CCDC85C: variants seen among roughly 807,000 people sequenced by gnomAD.
CCDC85C encodes coiled-coil domain-containing protein 85C.
CCDC85C carries 18 observed loss-of-function variants against 38.3 expected under a neutral mutation model. That is an observed-to-expected ratio of 0.47 (90% confidence interval 0.33 to 0.70). The LOEUF (loss-of-function observed/expected upper bound fraction) is 0.70, where lower values mean the gene tolerates loss of function less well. Ranked by LOEUF, CCDC85C falls within the 30% of genes least tolerant of loss-of-function variation. The pLI is 0.03. For missense variants in CCDC85C, 566 were observed against 621.2 expected (o/e 0.91, Z 0.94); for synonymous variants, 264 against 293.8 (o/e 0.90, Z 1.04).
In CCDC85C at chr14:99,514,419, C is replaced by G. The variant is rs996766457; in HGVS notation, c.*827G>C. The stretch of plus-strand genomic sequence containing the variant: ...GCCCAGTGCTGCCCATCAGGAAAAT[C>G]ACATGTGGCTCAGCCCAGAAACTCT... On this transcript the variant is annotated 3_prime_UTR_variant, in exon 6 of 6. Coordinates refer to ENST00000380243, the MANE Select transcript of CCDC85C (RefSeq NM_001144995.2). 6.6e-6 allele frequency: 1 copy of G among 152,428 alleles called. No homozygotes were observed. The highest frequency in any genetic ancestry group is 1.5e-5 in the Non-Finnish European group (1 of 68,200). 9.4% of individuals were successfully genotyped at this position (152,428 alleles called of 1,614,324 possible). A position where few individuals can be genotyped will look rare whatever the true frequency, so the allele number is the denominator to read the frequency against.
chr14:99,501,145 A>G lies in CCDC85C; in HGVS notation c.*14101T>C. 1 of 602,640 alleles carries G rather than the reference A, an allele frequency of 1.7e-6. No individual in the cohort carries two copies. 37.3% of individuals were successfully genotyped at this position (602,640 alleles called of 1,614,324 possible). On this transcript the variant is annotated 3_prime_UTR_variant, in exon 6 of 6. Transcript: ENST00000380243. Reference sequence around the variant, plus strand: ...GACTAATAAACTTAGCCTTGGAGCCAGGTTTTCCATACATGGTGGTTCAGC... The same window carrying G: ...GACTAATAAACTTAGCCTTGGAGCCGGGTTTTCCATACATGGTGGTTCAGC...
chr14:99,522,709 C>A (rs9788481), intron 2 of CCDC85C: 135,935 of 155,296 alleles, frequency 0.88, 61,667 homozygotes, highest in East Asian at 1. Flanking sequence ...GGGGCTCTCT[C>A]GGGATGCTCC....
chr14:99,595,043 T>A (rs1050763719), intron 1 of CCDC85C, among the ~76,000 whole-genome samples: 2 of 152,170 alleles, frequency 1.3e-5, no homozygotes, highest in Non-Finnish European at 2.9e-5. Context: ...GAGCTAGAAC[T>A]GCCCACACCC....
Position 99,545,072 on chromosome 14 carries a change from G to C in CCDC85C, c.794-8984C>G, listed in dbSNP as rs181423422. On this transcript the variant is annotated intron_variant, in intron 1 of 5. Transcript: ENST00000380243. This position sits in a 1 kb window ranked among gnomAD's most constrained non-coding sequence, Gnocchi z 4.7. ...CTAGAGAAGAGGAAAACGAACGGCT[G>C]CCCTAATGAGAATGAAATCTCCTGG... 6.6e-6 allele frequency among the ~76,000 whole-genome samples: 1 copy of C among 152,206 alleles called. No homozygotes were observed. The highest frequency in any genetic ancestry group is 2.4e-5 in the African/African-American group (1 of 41,442).
chr14:99,529,858 C>T (rs992883344), intron 2 of CCDC85C, among the ~76,000 whole-genome samples: 2 of 152,236 alleles, frequency 1.3e-5, no homozygotes, highest in Admixed American at 6.5e-5. Context: ...GGAAAGATCA[C>T]GGTGGTTAAC....
At chr14:99,546,598 T>C (rs757032981) in intron 1 of CCDC85C, among the ~76,000 whole-genome samples, 6 of 151,940 alleles carry the variant, frequency 3.9e-5, no homozygotes, top group Non-Finnish European at 5.9e-5. Context: ...AGCCAGGTGG[T>C]AGGATTCCTA....
chr14:99,598,793 G>C (rs188727398), intron 1 of CCDC85C, among the ~76,000 whole-genome samples: 140 of 152,330 alleles, frequency 9.2e-4, no homozygotes, highest in African/African-American at 3.3e-3. Context: ...CTAAGATATG[G>C]AGATGCTAAG....
chr14:99,571,165 G>T (rs1325869435), intron 1 of CCDC85C, among the ~76,000 whole-genome samples: 1 of 152,144 alleles, frequency 6.6e-6, no homozygotes, highest in African/African-American at 2.4e-5. Flanking sequence ...GCAGTGCAGT[G>T]AGGGGCCAGC....
chr14:99,556,265 A>G (rs899894972), intron 1 of CCDC85C, among the ~76,000 whole-genome samples: 1 of 152,198 alleles, frequency 6.6e-6, no homozygotes, highest in Admixed American at 6.5e-5. Flanking sequence ...GAACATTTTT[A>G]AAATTAGCCG....
In CCDC85C at chr14:99,558,601, T is replaced by C. The variant is rs1045635037; in HGVS notation, c.794-22513A>G. Among the ~76,000 whole-genome samples the C allele has an allele frequency of 5.9e-5, 9 of 152,134 alleles. No homozygotes were observed. The highest frequency in any genetic ancestry group is 8.8e-5 in the Non-Finnish European group (6 of 68,026). ...GTGCCACTGCACTCCAGCCTGGAGA[T>C]AGAGCGAGACTCTGTCTCAAAAAAA... is the stretch of plus-strand genomic sequence containing the variant. On this transcript the variant is annotated intron_variant, in intron 1 of 5. Coordinates refer to ENST00000380243, the MANE Select transcript of CCDC85C (RefSeq NM_001144995.2). This position sits in a 1 kb window ranked among gnomAD's most constrained non-coding sequence, Gnocchi z 4.2.
At chr14:99,538,092 T>A (rs115147188) in intron 1 of CCDC85C, among the ~76,000 whole-genome samples, 2,591 of 152,070 alleles carry the variant, frequency 0.017, 32 homozygotes, top group African/African-American at 0.036. Flanking sequence ...GGGTGGGGGG[T>A]ACCCACTGTC....
intron 1 of CCDC85C, among the ~76,000 whole-genome samples, chr14:99,587,618 C>T (rs969259965): frequency 5.9e-5 from 9 of 152,146 alleles, no homozygotes; most frequent in African/African-American, 1.9e-4. Context: ...CTGCCTTGCT[C>T]ATTGTTCCCA....
At chr14:99,559,707 A>G (rs1190476096) in intron 1 of CCDC85C, among the ~76,000 whole-genome samples, 2 of 152,216 alleles carry the variant, frequency 1.3e-5, no homozygotes. Context: ...GGAGCTGTTA[A>G]GGAAATTCTA....
intron 2 of CCDC85C, among the ~76,000 whole-genome samples, chr14:99,527,002 G>A (rs1046079550): frequency 6.6e-5 from 10 of 152,126 alleles, no homozygotes; most frequent in Non-Finnish European, 2.9e-5. Context: ...CTCAGAGGGA[G>A]AGTGCAGAGA....
In CCDC85C at chr14:99,603,595, C is replaced by T. The variant is rs961813336; in HGVS notation, c.365G>A (p.Arg122His). The change falls in exon 1 of 6, where the codon CGC becomes CAC. Residue 122 changes from arginine to histidine, a missense_variant. Transcript: ENST00000380243. The surrounding 1 kb of genome is among the most constrained non-coding windows in gnomAD (Gnocchi z 7.5). ...GAGCTCGCGCAGCTTCTGCTGCGAG[C>T]GGGCCACCTCGTGCCACACGGCGCC... is the stretch of plus-strand genomic sequence containing the variant. ...AAGAVWHEVARSQQKLRELEA... is the reference protein window; with the variant it reads ...AAGAVWHEVAHSQQKLRELEA... 5 of 1,428,376 alleles carry T rather than the reference C, an allele frequency of 3.5e-6. No individual in the cohort carries two copies. In the East Asian group the frequency reaches 1.2e-4, roughly 34 times the overall value. The allele number at this position is 1,428,376 out of a possible 1,614,324, so 88.5% of individuals were successfully genotyped here.
In CCDC85C at chr14:99,525,321, C is replaced by T. The variant is rs546179906; in HGVS notation, c.868-3081G>A. Among the ~76,000 whole-genome samples, 4 of 152,316 alleles carry T rather than the reference C, an allele frequency of 2.6e-5. No homozygotes were observed. The South Asian group carries it at 8.3e-4, about 32-fold the overall frequency. On this transcript the variant is annotated intron_variant, in intron 2 of 5. Coordinates refer to ENST00000380243, the MANE Select transcript of CCDC85C (RefSeq NM_001144995.2). Reference sequence around the variant, plus strand: ...CAGCGAATGCCTGCCTGCAAAGCTGCAGGGGGCCTATGTGGGGCCACCCTG... The same window carrying T: ...CAGCGAATGCCTGCCTGCAAAGCTGTAGGGGGCCTATGTGGGGCCACCCTG...
chr14:99,583,064 T>A (rs1455879780), intron 1 of CCDC85C: 1 of 152,218 alleles, frequency 6.6e-6, no homozygotes, highest in Non-Finnish European at 1.5e-5. Context: ...TCACAATCAG[T>A]TATAGATTTC....
intron 1 of CCDC85C, among the ~76,000 whole-genome samples, chr14:99,575,181 G>A (rs966474533): frequency 4.6e-5 from 7 of 152,230 alleles, no homozygotes; most frequent in African/African-American, 1.7e-4. Flanking sequence ...CCGTACACAG[G>A]AGTCTTCGTG....
chr14:99,534,978 A>T, intron 2 of CCDC85C: 1 of 483,334 alleles, frequency 2.1e-6, no homozygotes, highest in Non-Finnish European at 3.8e-6. Context: ...CACTCTGCTA[A>T]TCCCACCAGG....
Sources: allele counts gnomAD v4.1 joint callset (sites outside exome capture counted in the v4.1 genomes callset), GRCh38; gene constraint gnomAD v4.1.1; non-coding constraint Gnocchi (gnomAD v3.1); transcripts MANE v1.5; gene names NCBI Gene and HGNC (gene_info 2026-07-23, HGNC 2026-07-21).